Variants in ALK observed in about 807,000 individuals in gnomAD.
ALK encodes ALK receptor tyrosine kinase.
Under a neutral mutation model 163.1 loss-of-function variants are expected in ALK, and 74 were observed. That is an observed-to-expected ratio of 0.45 (90% confidence interval 0.38 to 0.55). ALK has a LOEUF of 0.55. Among genes scored for constraint, ALK ranks in the 20% least tolerant of loss-of-function variants. The pLI, the probability that ALK is intolerant of heterozygous loss-of-function variation, is 0.00. For missense variants in ALK, 2,063 were observed against 2,105.3 expected, an observed-to-expected ratio of 0.98 and a Z score of 0.39; for synonymous variants, 960 against 843.2, an observed-to-expected ratio of 1.14 and a Z score of -2.40.
intron 3 of ALK, among the ~76,000 whole-genome samples, chr2:29,648,413 C>T (rs1320217126): frequency 6.6e-6 from 1 of 152,064 alleles, no homozygotes; most frequent in African/African-American, 2.4e-5. Flanking sequence ...AGTACATTCA[C>T]AGTCCTGTGC....
intron 5 of ALK, among the ~76,000 whole-genome samples, chr2:29,359,750 C>T (rs10153831): frequency 0.2 from 30,809 of 152,090 alleles, 3,317 homozygotes; most frequent in African/African-American, 0.26. Flanking sequence ...AGCTTGTTCC[C>T]GGGCTGGCAG....
chr2:29,819,346 C>T (rs1222494638), intron 1 of ALK, among the ~76,000 whole-genome samples: 1 of 152,250 alleles, frequency 6.6e-6, no homozygotes, highest in Non-Finnish European at 1.5e-5. Flanking sequence ...GCTCAATTCA[C>T]ATGGAATACG....
intron 3 of ALK, among the ~76,000 whole-genome samples, chr2:29,567,645 T>A (rs181710610): frequency 1.3e-5 from 2 of 152,138 alleles, no homozygotes; most frequent in African/African-American, 4.8e-5. Flanking sequence ...TGGGGTATCA[T>A]TGCACAGACT....
Position 29,920,137 on chromosome 2 carries a change from T to C in ALK, c.523A>G (p.Ser175Gly), listed in dbSNP as rs767019998. ...CCTTCGCCTTGGCGAATCCACCAAC[T>C]GAACAGCTCGCTGAGATTGAACTGG... ...LLQFNLSELF[S>G]WWIRQGEGRL... The change falls in exon 1 of 29, where the codon AGT becomes GGT. Residue 175 changes from serine to glycine, a missense_variant. Physicochemically the swap from Ser to Gly is moderately conservative, Grantham distance 56. Coordinates refer to ENST00000389048, the MANE Select transcript of ALK (RefSeq NM_004304.5). 2 of 1,613,928 alleles carry C rather than the reference T, an allele frequency of 1.2e-6. No homozygotes were observed. Among genetic ancestry groups the C allele is most frequent in the Middle Eastern group, 3.3e-4 (2 of 6,062 alleles).
chr2:29,831,044 A>AG, intron 1 of ALK, among the ~76,000 whole-genome samples: 2 of 60,356 alleles, frequency 3.3e-5, no homozygotes, highest in African/African-American at 5.6e-5. Flanking sequence ...GAGGAGGAGG[A>AG]GAAGGAGAAG....
chr2:29,497,665 A>G (rs1234450180), intron 4 of ALK, among the ~76,000 whole-genome samples: 1 of 152,192 alleles, frequency 6.6e-6, no homozygotes, highest in Non-Finnish European at 1.5e-5. Flanking sequence ...TCCTATCAAG[A>G]GGGCAAATCC....
intron 26 of ALK, among the ~76,000 whole-genome samples, chr2:29,199,240 C>T (rs981784195): frequency 6.6e-6 from 1 of 152,214 alleles, no homozygotes; most frequent in African/African-American, 2.4e-5. Context: ...AGATGTGAAA[C>T]ACCGCACCTG....
chr2:29,533,961 T>C (rs1365930403), intron 3 of ALK, among the ~76,000 whole-genome samples: 1 of 152,016 alleles, frequency 6.6e-6, no homozygotes, highest in African/African-American at 2.4e-5. Context: ...ACAAAGATAC[T>C]GGCAGAATGG....
Position 29,744,719 on chromosome 2 carries a change from A to T in ALK, c.668-27022T>A, listed in dbSNP as rs992499838. Among the ~76,000 whole-genome samples, 123 of 152,132 alleles carry T rather than the reference A, an allele frequency of 8.1e-4. 2 individuals carry two copies. The highest frequency in any genetic ancestry group is 6.7e-3 in the Admixed American group (102 of 15,282). ...GAGCTGATGCTGACTCTTGGCTGGG[A>T]TCTCACCTGGGGCTTTAGCCGGAAC... On this transcript the variant is annotated intron_variant, in intron 1 of 28. Coordinates refer to ENST00000389048, the MANE Select transcript of ALK (RefSeq NM_004304.5).
In ALK at chr2:29,489,976, G is replaced by A. The variant is rs1485372117; in HGVS notation, c.1154+41939C>T. Among the ~76,000 whole-genome samples the A allele has an allele frequency of 3.3e-5, 5 of 152,330 alleles. No homozygotes were observed. In the East Asian group the frequency reaches 7.7e-4, roughly 24 times the overall value. On this transcript the variant is annotated intron_variant, in intron 4 of 28. Coordinates refer to ENST00000389048, the MANE Select transcript of ALK (RefSeq NM_004304.5). Reference sequence around the variant, plus strand: ...ATGGTTGTTGCACCACATGCTGGCCGGGACTCCAAACCTGGAACATGGGGA... The same window carrying A: ...ATGGTTGTTGCACCACATGCTGGCCAGGACTCCAAACCTGGAACATGGGGA...
At chr2:29,846,459 A>G (rs1012538701) in intron 1 of ALK, among the ~76,000 whole-genome samples, 3 of 152,246 alleles carry the variant, frequency 2.0e-5, no homozygotes, top group Non-Finnish European at 2.9e-5. Flanking sequence ...CCATGAGAAC[A>G]AGACCTTGTC....
intron 11 of ALK, among the ~76,000 whole-genome samples, chr2:29,255,831 C>T (rs759885626): frequency 2.6e-5 from 4 of 152,188 alleles, no homozygotes; most frequent in African/African-American, 9.7e-5. Context: ...TCTGTTTTAT[C>T]TATAGTGTCT....
At chr2:29,438,854 G>C (rs115178499) in intron 4 of ALK, among the ~76,000 whole-genome samples, 1 of 152,146 alleles carries the variant, frequency 6.6e-6, no homozygotes, top group South Asian at 2.1e-4. Flanking sequence ...ATCCCCCAGC[G>C]CTCCTACTGA....
chr2:29,577,585 G>A lies in ALK; in HGVS notation c.953-45469C>T, dbSNP rs564163706. On this transcript the variant is annotated intron_variant, in intron 3 of 28. Coordinates refer to ENST00000389048, the MANE Select transcript of ALK (RefSeq NM_004304.5). ...TAGTAAAGGTAGAAAAAGGAGATGA[G>A]GGCCCTGCCCCAGGGGATGCTACAG... is the stretch of plus-strand genomic sequence containing the variant. Among the ~76,000 whole-genome samples, 36 of 152,260 alleles carry A rather than the reference G, an allele frequency of 2.4e-4. 1 individual carries two copies. The highest frequency in any genetic ancestry group is 7.9e-4 in the African/African-American group (33 of 41,546).
intron 24 of ALK, 98 bp from the exon 25 acceptor site, chr2:29,209,976 A>G: frequency 1.1e-6 from 1 of 942,820 alleles, no homozygotes; most frequent in Non-Finnish European, 1.7e-6. Context: ...AAGTTTAAAT[A>G]GTTCCTTCCC....
intron 3 of ALK, among the ~76,000 whole-genome samples, chr2:29,541,986 A>G (rs1338571507): frequency 3.3e-5 from 5 of 152,172 alleles, no homozygotes; most frequent in Non-Finnish European, 5.9e-5. Context: ...CCATACTCCA[A>G]GTCCCCATTC....
At chr2:29,382,002 GACC>G (rs1470811114) in intron 5 of ALK, among the ~76,000 whole-genome samples, 2 of 152,140 alleles carry the variant, frequency 1.3e-5, no homozygotes, top group African/African-American at 4.8e-5. Flanking sequence ...ATCCCTTGTT[GACC>G]ACAGGCGGTC....
chr2:29,605,077 G>T (rs1447040622), intron 3 of ALK, among the ~76,000 whole-genome samples: 1 of 152,188 alleles, frequency 6.6e-6, no homozygotes. Flanking sequence ...GATTACTTCA[G>T]TTTCAAAAGT....
At chr2:29,234,230 TG>T (rs796965086) in intron 13 of ALK, among the ~76,000 whole-genome samples, 52 of 152,172 alleles carry the variant, frequency 3.4e-4, no homozygotes, top group African/African-American at 1.2e-3. Context: ...TGTGGTGAGA[TG>T]GGGCTGGAGG....
Sources: gnomAD v4.1 joint callset for allele counts (sites outside exome capture counted in the v4.1 genomes callset) on GRCh38, gnomAD v4.1.1 for gene constraint, MANE v1.5 for transcripts, NCBI Gene and HGNC (gene_info 2026-07-23, HGNC 2026-07-21) for gene names.